The following GMDS variants were observed in gnomAD, a reference collection of about 807,000 sequenced individuals.
GMDS encodes the protein GDP-mannose 4,6-dehydratase.
A neutral mutation model predicts 49.9 loss-of-function variants in GMDS; 20 were observed. The ratio of observed to expected loss-of-function variants is 0.40; its 90% CI spans 0.28 to 0.58. The LOEUF is 0.58. GMDS is among the 20% of genes least tolerant of loss of function. The probability of loss-of-function intolerance (pLI) is 0.42; values close to 1 mark genes in which losing one functional copy is unlikely to be tolerated. For missense variants in GMDS, 362 were observed against 481.4 expected, an observed-to-expected ratio of 0.75 and a Z score of 2.32; for synonymous variants, 177 against 178.6, an observed-to-expected ratio of 0.99 and a Z score of 0.07.
chr6:1,915,088 C>T (rs985656660), intron 7 of GMDS, among the ~76,000 whole-genome samples: 3 of 152,246 alleles, frequency 2.0e-5, no homozygotes, highest in African/African-American at 7.2e-5. Context: ...GACCTCGAAC[C>T]ATCCACTGTA....
rs147158421 is a variant in GMDS at position 2,182,799 on chromosome 6, G to C, written c.103-58068C>G. On this transcript the variant is annotated intron_variant, in intron 1 of 10. Transcript: ENST00000380815. ...AAACTCACTGCATCCTCTACCTCGCGGGCTCAAGTCATCCTCCCACCTCAG... is the reference window on the plus strand; with the variant it reads ...AAACTCACTGCATCCTCTACCTCGCCGGCTCAAGTCATCCTCCCACCTCAG... Among the ~76,000 whole-genome samples, 14 of 152,202 alleles carry C rather than the reference G, an allele frequency of 9.2e-5. No individual in the cohort carries two copies. In the East Asian group the frequency reaches 2.7e-3, roughly 29 times the overall value.
chr6:1,949,994 C>T (rs1408394558), intron 6 of GMDS, among the ~76,000 whole-genome samples: 1 of 152,164 alleles, frequency 6.6e-6, no homozygotes, highest in Non-Finnish European at 1.5e-5. Flanking sequence ...TATTGGTTTG[C>T]CTGTTTGATA....
intron 1 of GMDS, among the ~76,000 whole-genome samples, chr6:2,139,351 A>G (rs1429724850): frequency 6.6e-6 from 1 of 152,258 alleles, no homozygotes; most frequent in East Asian, 1.9e-4. Flanking sequence ...ATTTGACACC[A>G]GCAAGATTGG....
chr6:2,196,070 G>C (rs998177220), intron 1 of GMDS, among the ~76,000 whole-genome samples: 3 of 151,998 alleles, frequency 2.0e-5, no homozygotes, highest in Admixed American at 1.3e-4. Context: ...ACATAAGTTT[G>C]TGCCCAAAAA....
At chr6:1,655,327 G>A (rs1342756294) in intron 9 of GMDS, among the ~76,000 whole-genome samples, 1 of 151,978 alleles carries the variant, frequency 6.6e-6, no homozygotes, top group Non-Finnish European at 1.5e-5. Context: ...GAATACGTGG[G>A]TTCTGATTAT....
At chr6:1,627,768 T>C (rs1762886671) in intron 9 of GMDS, among the ~76,000 whole-genome samples, 1 of 152,238 alleles carries the variant, frequency 6.6e-6, no homozygotes, top group Non-Finnish European at 1.5e-5. Flanking sequence ...CTGGGTGGTC[T>C]GGAGCTTTTC....
rs981804776 is a variant in GMDS, at chr6:1,666,155, T to C, written c.988-41615A>G. Among the ~76,000 whole-genome samples, 4 of 152,142 alleles carry C rather than the reference T, an allele frequency of 2.6e-5. No homozygotes were observed. The South Asian group carries it at 6.2e-4, about 24-fold the overall frequency. ...GTGAACTGATTAGGCATTTGCCCCTTGTTATGGATGAAGCAGCAAAGGCCG... is the reference window on the plus strand; with the variant it reads ...GTGAACTGATTAGGCATTTGCCCCTCGTTATGGATGAAGCAGCAAAGGCCG... On this transcript the variant is annotated intron_variant, in intron 9 of 10. Coordinates refer to ENST00000380815, the MANE Select transcript of GMDS (RefSeq NM_001500.4).
intron 1 of GMDS, among the ~76,000 whole-genome samples, chr6:2,239,173 A>G (rs368405576): frequency 2.0e-5 from 3 of 152,186 alleles, no homozygotes; most frequent in South Asian, 4.1e-4. Flanking sequence ...TACTAAAAAT[A>G]CAAAAATTAG....
intron 1 of GMDS, among the ~76,000 whole-genome samples, chr6:2,164,119 T>G (rs966782295): frequency 1.3e-5 from 2 of 152,240 alleles, no homozygotes; most frequent in Non-Finnish European, 2.9e-5. Context: ...CCCAACGTAC[T>G]ATTAGAGCAC....
chr6:1,809,803 A>G (rs1016447543), intron 7 of GMDS, among the ~76,000 whole-genome samples: 4 of 152,106 alleles, frequency 2.6e-5, no homozygotes, highest in African/African-American at 9.7e-5. Context: ...TTTCAGGGGA[A>G]TGGAGGGAGA....
chr6:2,069,785 T>C (rs1228681042), intron 4 of GMDS, among the ~76,000 whole-genome samples: 2 of 151,946 alleles, frequency 1.3e-5, no homozygotes, highest in African/African-American at 2.4e-5. Flanking sequence ...CTGGAGAGGA[T>C]GTGGAGAAAT....
chr6:2,211,735 T>C (rs1211240205), intron 1 of GMDS, among the ~76,000 whole-genome samples: 1 of 152,176 alleles, frequency 6.6e-6, no homozygotes, highest in Non-Finnish European at 1.5e-5. Flanking sequence ...AAATAATCTA[T>C]GCCGTAGGGT....
intron 1 of GMDS, among the ~76,000 whole-genome samples, chr6:2,206,024 C>G (rs992846684): frequency 1.3e-5 from 2 of 152,076 alleles, no homozygotes; most frequent in Admixed American, 6.5e-5. Flanking sequence ...TTTGGGAGGC[C>G]AAGGCGGGCA....
intron 2 of GMDS, 131 bp from the exon 3 acceptor site, chr6:2,117,687 C>T (rs776006541): frequency 4.8e-6 from 3 of 620,076 alleles, no homozygotes; most frequent in Non-Finnish European, 8.8e-6. Context: ...AGTCCCACTG[C>T]TTACTTTCTC....
In GMDS at chr6:1,773,182, A is replaced by C. The variant is rs1333930480; in HGVS notation, c.772-30596T>G. On this transcript the variant is annotated intron_variant, in intron 7 of 10. Transcript: ENST00000380815. ...TGCATTCAAGGCAGTTAGAAAATGC[A>C]CAGAGGGTCCTCTTTTTTTTTTTTT... 2.1e-5 allele frequency among the ~76,000 whole-genome samples: 3 copies of C among 142,248 alleles called. No homozygotes were observed. The East Asian group carries it at 6.3e-4, about 30-fold the overall frequency. 93.3% of individuals were successfully genotyped at this position (142,248 alleles called of 152,430 possible).
chr6:1,992,898 A>C (rs984298955), intron 4 of GMDS, among the ~76,000 whole-genome samples: 3 of 152,306 alleles, frequency 2.0e-5, no homozygotes, highest in East Asian at 1.9e-4. Context: ...TGGTATTCCA[A>C]TGACCAGCTC....
intron 6 of GMDS, among the ~76,000 whole-genome samples, chr6:1,948,829 G>A (rs1041762598): frequency 2.9e-4 from 44 of 152,140 alleles, no homozygotes; most frequent in African/African-American, 1.1e-3. Flanking sequence ...GGCTTTTCCT[G>A]TGATTCCAGC....
chr6:2,034,497 C>A (rs1769168701), intron 4 of GMDS, among the ~76,000 whole-genome samples: 1 of 152,124 alleles, frequency 6.6e-6, no homozygotes, highest in Non-Finnish European at 1.5e-5. Context: ...TTACGCAACT[C>A]TAGGAATAAA....
At chr6:1,916,403 T>C (rs755620017) in intron 7 of GMDS, among the ~76,000 whole-genome samples, 1 of 151,914 alleles carries the variant, frequency 6.6e-6, no homozygotes, top group Admixed American at 6.6e-5. Context: ...AGTTTTCATA[T>C]TGTATTCCTA....
Sources: allele counts gnomAD v4.1 joint callset (sites outside exome capture counted in the v4.1 genomes callset), GRCh38; gene constraint gnomAD v4.1.1; transcripts MANE v1.5; gene names NCBI Gene and HGNC (gene_info 2026-07-23, HGNC 2026-07-21).